Variants in STAG1 observed in about 807,000 individuals in gnomAD.
STAG1 encodes the protein cohesin subunit SA-1.
In STAG1, 26 loss-of-function variants were observed where a neutral mutation model predicts 170.9. The ratio of observed to expected loss-of-function variants is 0.15; its 90% CI spans 0.11 to 0.21. STAG1 has a LOEUF of 0.21. Among genes scored for constraint, STAG1 ranks in the 10% least tolerant of loss-of-function variants. STAG1 has a pLI of 1.00. For synonymous variants in STAG1, 514 were observed against 497.7 expected, an observed-to-expected ratio of 1.03 and a Z score of -0.44; for missense variants, 964 against 1,509.5, an observed-to-expected ratio of 0.64 and a Z score of 5.99.
intron 1 of STAG1, among the ~76,000 whole-genome samples, chr3:136,639,252 T>C (rs1386224574): frequency 6.6e-6 from 1 of 150,962 alleles, no homozygotes; most frequent in Admixed American, 6.6e-5. Flanking sequence ...GGAGGGTCAC[T>C]TGAGGCGAGG....
chr3:136,721,375 C>T (rs1212100954), intron 1 of STAG1: 2 of 152,092 alleles, frequency 1.3e-5, no homozygotes, highest in Non-Finnish European at 2.9e-5. Context: ...AATGAAGCCC[C>T]TTATCTTAGA....
intron 6 of STAG1, among the ~76,000 whole-genome samples, chr3:136,529,362 A>T (rs1156892348): frequency 6.6e-6 from 1 of 152,214 alleles, no homozygotes; most frequent in East Asian, 1.9e-4. Context: ...AACGTCAAAG[A>T]CAGAGAGAAT....
chr3:136,625,320 T>G (rs1161809564), intron 2 of STAG1, among the ~76,000 whole-genome samples: 1 of 152,222 alleles, frequency 6.6e-6, no homozygotes. Context: ...CCTTGGAGAT[T>G]TCATCCAGTT....
At chr3:136,623,616 T>TG (rs1213073255) in intron 2 of STAG1, among the ~76,000 whole-genome samples, 1 of 152,164 alleles carries the variant, frequency 6.6e-6, no homozygotes, top group Non-Finnish European at 1.5e-5. Context: ...GGCAGTGTTA[T>TG]GCCAGTCTTT....
At chr3:136,594,942 T>C (rs1328997853) in intron 4 of STAG1, among the ~76,000 whole-genome samples, 1 of 152,150 alleles carries the variant, frequency 6.6e-6, no homozygotes, top group Non-Finnish European at 1.5e-5. Context: ...GGCTACTTTT[T>C]GTATTTTGGT....
At chr3:136,417,804 A>C in intron 21 of STAG1, 81 bp downstream of exon 21, 1 of 1,028,354 alleles carries the variant, frequency 9.7e-7, no homozygotes, top group Non-Finnish European at 1.5e-6. Flanking sequence ...ATTACTTTCT[A>C]TAAAAGGCTT....
chr3:136,640,435 CT>C (rs1039902087), intron 1 of STAG1, among the ~76,000 whole-genome samples: 26 of 149,556 alleles, frequency 1.7e-4, no homozygotes, highest in African/African-American at 6.4e-4. Context: ...ATGGCACGAT[CT>C]CGGCTCACTG....
At chr3:136,519,385 C>A (rs1934549565) in intron 7 of STAG1, among the ~76,000 whole-genome samples, 2 of 152,222 alleles carry the variant, frequency 1.3e-5, no homozygotes, top group South Asian at 4.1e-4. Context: ...GGTCATTTCA[C>A]AATACTATCA....
chr3:136,545,320 G>A (rs1936108003), intron 5 of STAG1, among the ~76,000 whole-genome samples: 2 of 152,000 alleles, frequency 1.3e-5, no homozygotes, highest in Admixed American at 1.3e-4. Context: ...CACCCACCTC[G>A]GCCTCCCAAA....
intron 1 of STAG1, among the ~76,000 whole-genome samples, chr3:136,711,060 AATAT>A (rs369140347): frequency 1.3e-5 from 2 of 148,416 alleles, no homozygotes; most frequent in Non-Finnish European, 3.0e-5. Flanking sequence ...CAAAAAGAAA[AATAT>A]ATATATATAT....
intron 21 of STAG1, among the ~76,000 whole-genome samples, chr3:136,407,375 T>C (rs925098930): frequency 2.6e-5 from 4 of 152,200 alleles, no homozygotes; most frequent in Non-Finnish European, 5.9e-5. Flanking sequence ...GCACATACTT[T>C]GTTAGATTTA....
intron 12 of STAG1, among the ~76,000 whole-genome samples, chr3:136,470,076 C>G (rs1397179355): frequency 2.0e-5 from 3 of 152,142 alleles, no homozygotes; most frequent in Admixed American, 2.0e-4. Context: ...TAGGCATGGG[C>G]AAGGACTTCA....
At chr3:136,374,375 T>C (rs2108302282) in intron 23 of STAG1, among the ~76,000 whole-genome samples, 1 of 152,312 alleles carries the variant, frequency 6.6e-6, no homozygotes, top group East Asian at 1.9e-4. Context: ...CCTAGCATTT[T>C]GGGAGGCCAA....
intron 28 of STAG1, among the ~76,000 whole-genome samples, chr3:136,356,922 T>A (rs1936678270): frequency 6.6e-6 from 1 of 151,092 alleles, no homozygotes; most frequent in South Asian, 2.1e-4. Context: ...CTAGCTAATT[T>A]TTTTTTATTT....
At chr3:136,488,843 TAA>T (rs1342187218) in intron 9 of STAG1, among the ~76,000 whole-genome samples, 1 of 152,222 alleles carries the variant, frequency 6.6e-6, no homozygotes, top group Non-Finnish European at 1.5e-5. Context: ...TATTTCCTCA[TAA>T]GAGTCCTCCA....
intron 6 of STAG1, among the ~76,000 whole-genome samples, chr3:136,528,494 ACC>A (rs34484071): frequency 1.4e-5 from 1 of 71,352 alleles, no homozygotes; most frequent in Admixed American, 1.9e-4. Flanking sequence ...ATGTCCCCGC[ACC>A]CCCCCCCCCA....
chr3:136,443,986 C>T (rs1576470919), intron 14 of STAG1, among the ~76,000 whole-genome samples: 1 of 152,256 alleles, frequency 6.6e-6, no homozygotes, highest in East Asian at 1.9e-4. Context: ...AGCCCATGTT[C>T]CCACAGTAAA....
intron 1 of STAG1, among the ~76,000 whole-genome samples, chr3:136,677,594 C>T (rs1346785274): frequency 6.6e-6 from 1 of 151,988 alleles, no homozygotes; most frequent in Non-Finnish European, 1.5e-5. Flanking sequence ...GAGGACTCTA[C>T]CAACATGAAT....
intron 7 of STAG1, among the ~76,000 whole-genome samples, chr3:136,520,222 C>A (rs1934604961): frequency 6.6e-6 from 1 of 152,102 alleles, no homozygotes; most frequent in African/African-American, 2.4e-5. Flanking sequence ...TGCCTAGGAA[C>A]TTCTTGCCCA....
Sources: gnomAD v4.1 joint callset for allele counts (sites outside exome capture counted in the v4.1 genomes callset) on GRCh38, gnomAD v4.1.1 for gene constraint, MANE v1.5 for transcripts, NCBI Gene and HGNC (gene_info 2026-07-23, HGNC 2026-07-21) for gene names.